The following IQGAP2 variants were observed in gnomAD, a reference collection of about 807,000 sequenced individuals.
The protein encoded by IQGAP2 is ras GTPase-activating-like protein IQGAP2.
A neutral mutation model predicts 201.3 loss-of-function variants in IQGAP2; 173 were observed. The ratio of observed to expected loss-of-function variants is 0.86; its 90% CI spans 0.76 to 0.98. IQGAP2 has a LOEUF of 0.98. Among genes scored for constraint, IQGAP2 ranks in the 50% least tolerant of loss-of-function variants. IQGAP2 has a pLI of 0.00. For synonymous variants in IQGAP2, 675 were observed against 673.9 expected, an observed-to-expected ratio of 1.00 and a Z score of -0.03; for missense variants, 1,687 against 1,864.8, an observed-to-expected ratio of 0.90 and a Z score of 1.76.
In IQGAP2 at chr5:76,702,504, A is replaced by G; in HGVS notation, c.4528A>G (p.Ile1510Val). 3 of 1,563,784 alleles carry G rather than the reference A, an allele frequency of 1.9e-6. No homozygotes were observed. The highest frequency in any genetic ancestry group is 2.6e-6 in the Non-Finnish European group (3 of 1,134,332). The change falls in exon 35 of 36, where the codon ATC (isoleucine) becomes GTC (valine). Residue 1510 changes from isoleucine to valine, a missense_variant. Transcript: ENST00000274364. ...CAGGTTTAAGAATGTTACATTTGAT[A>G]TCATAGCTACTGAAGATGTAGGCAT... ...TNQFKNVTFD[I>V]IATEDVGIFD...
At chr5:76,540,944 A>G (rs192773370) in intron 2 of IQGAP2, among the ~76,000 whole-genome samples, 4 of 152,244 alleles carry the variant, frequency 2.6e-5, no homozygotes, top group South Asian at 2.1e-4. Flanking sequence ...AGAAAAAGCC[A>G]TCATGTAAGA....
chr5:76,449,849 C>T (rs572733538), intron 1 of IQGAP2, among the ~76,000 whole-genome samples: 1 of 152,198 alleles, frequency 6.6e-6, no homozygotes, highest in East Asian at 1.9e-4. Flanking sequence ...GTACCACGAT[C>T]CAGTTCCCAG....
chr5:76,637,041 T>C lies in IQGAP2; in HGVS notation c.1788T>C (p.Ser596=). 1 of 1,606,456 alleles carries C rather than the reference T, an allele frequency of 6.2e-7. No homozygotes were observed. Among genetic ancestry groups the C allele is most frequent in the Non-Finnish European group, 8.5e-7 (1 of 1,176,402 alleles). The part of the protein sequence containing the change: ...AKELKSERVS[S]DGSWLKLNLH... Reference sequence around the variant, plus strand: ...ACAAACTTTTTTCTTTAGTGTCTAGTGACGGTTCATGGCTCAAACTCAACC... The same window carrying C: ...ACAAACTTTTTTCTTTAGTGTCTAGCGACGGTTCATGGCTCAAACTCAACC... Residue 596 remains serine, a synonymous_variant, in exon 16 of 36, where the codon AGT becomes AGC. Coordinates refer to ENST00000274364, the MANE Select transcript of IQGAP2 (RefSeq NM_006633.5).
At chr5:76,580,974 C>T (rs780454971) in intron 5 of IQGAP2, among the ~76,000 whole-genome samples, 5 of 152,344 alleles carry the variant, frequency 3.3e-5, no homozygotes, top group South Asian at 2.1e-4. Context: ...CAGCCACAAA[C>T]GGAAGCTATG....
intron 20 of IQGAP2, among the ~76,000 whole-genome samples, chr5:76,657,511 G>C (rs1742856082): frequency 6.6e-6 from 1 of 152,178 alleles, no homozygotes; most frequent in Admixed American, 6.5e-5. Flanking sequence ...AAACACCACA[G>C]AACTAAGGTG....
At chr5:76,692,837 T>C (rs183168466) in intron 30 of IQGAP2, among the ~76,000 whole-genome samples, 187 of 152,338 alleles carry the variant, frequency 1.2e-3, no homozygotes, top group African/African-American at 4.2e-3. Context: ...CACTGAACGT[T>C]CGCTCCCACT....
At chr5:76,639,074 C>T (rs570043164) in intron 16 of IQGAP2, among the ~76,000 whole-genome samples, 21 of 152,310 alleles carry the variant, frequency 1.4e-4, no homozygotes, top group African/African-American at 5.1e-4. Flanking sequence ...AAACCATAAA[C>T]ATAGCCAAGT....
intron 2 of IQGAP2, among the ~76,000 whole-genome samples, chr5:76,528,429 C>T (rs1038315884): frequency 2.0e-5 from 3 of 152,120 alleles, no homozygotes. Context: ...TTAGAGGAAG[C>T]AGGTAAAAGG....
At chr5:76,533,844 A>T (rs4235700) in intron 2 of IQGAP2, among the ~76,000 whole-genome samples, 1 of 151,966 alleles carries the variant, frequency 6.6e-6, no homozygotes, top group Admixed American at 6.5e-5. Flanking sequence ...GGCTTGCCCT[A>T]TTATTTTAAA....
chr5:76,410,828 C>T (rs1195549782), intron 1 of IQGAP2, among the ~76,000 whole-genome samples: 1 of 152,154 alleles, frequency 6.6e-6, no homozygotes, highest in Non-Finnish European at 1.5e-5. Flanking sequence ...ACTGTGTTTC[C>T]AATTCATTGG....
At chr5:76,656,480 C>T (rs1200446639) in intron 20 of IQGAP2, among the ~76,000 whole-genome samples, 1 of 99,420 alleles carries the variant, frequency 1.0e-5, no homozygotes, top group Non-Finnish European at 2.2e-5. Flanking sequence ...TGCGCCCAGC[C>T]GTTTTTGGTT....
At chr5:76,652,142 G>A (rs1430064106) in intron 17 of IQGAP2, among the ~76,000 whole-genome samples, 1 of 152,148 alleles carries the variant, frequency 6.6e-6, no homozygotes, top group East Asian at 1.9e-4. Context: ...TTTGTAAAGA[G>A]TTTCCTGTAA....
chr5:76,616,961 CAA>C (rs1397447120), intron 13 of IQGAP2: 1 of 152,186 alleles, frequency 6.6e-6, no homozygotes, highest in Non-Finnish European at 1.5e-5. Flanking sequence ...GCATGAGAGT[CAA>C]AAGAGACCAA....
chr5:76,489,993 A>G (rs10035441), intron 2 of IQGAP2, among the ~76,000 whole-genome samples: 69,073 of 152,054 alleles, frequency 0.45, 17,006 homozygotes, highest in Middle Eastern at 0.57. Flanking sequence ...CCCTTGACAC[A>G]GTATGTGAAG....
intron 12 of IQGAP2, among the ~76,000 whole-genome samples, chr5:76,609,877 A>C (rs1241440404): frequency 6.7e-6 from 1 of 149,896 alleles, no homozygotes. Context: ...CTGTGTGTGC[A>C]TGTCTATCTA....
At chr5:76,570,858 C>G (rs957398779) in intron 4 of IQGAP2, among the ~76,000 whole-genome samples, 1 of 152,120 alleles carries the variant, frequency 6.6e-6, no homozygotes, top group Admixed American at 6.5e-5. Flanking sequence ...TTGAGAGCAG[C>G]CAGGTAAAAT....
intron 4 of IQGAP2, among the ~76,000 whole-genome samples, chr5:76,573,210 G>A (rs746227404): frequency 6.6e-6 from 1 of 152,204 alleles, no homozygotes; most frequent in Non-Finnish European, 1.5e-5. Flanking sequence ...TAGATTTGAT[G>A]TAAACCTTTT....
At chr5:76,579,045 G>C (rs1355832743) in intron 5 of IQGAP2, among the ~76,000 whole-genome samples, 1 of 152,032 alleles carries the variant, frequency 6.6e-6, no homozygotes, top group Non-Finnish European at 1.5e-5. Flanking sequence ...TCATAAAAGT[G>C]AGTTCCTTGA....
intron 1 of IQGAP2, among the ~76,000 whole-genome samples, chr5:76,416,531 C>G (rs77290576): frequency 6.9e-6 from 1 of 144,074 alleles, no homozygotes; most frequent in Admixed American, 6.9e-5. Flanking sequence ...GTTCTTTGAG[C>G]TTTTTTTTTT....
Sources: gnomAD v4.1 joint callset for allele counts (sites outside exome capture counted in the v4.1 genomes callset) on GRCh38, gnomAD v4.1.1 for gene constraint, MANE v1.5 for transcripts, NCBI Gene and HGNC (gene_info 2026-07-23, HGNC 2026-07-21) for gene names.